Variants in PRELID2 observed in about 807,000 individuals in gnomAD.
PRELID2 encodes PRELI domain-containing protein 2.
PRELID2 carries 25 observed loss-of-function variants against 28.4 expected under a neutral mutation model. That is an observed-to-expected ratio of 0.88 (90% CI 0.64 to 1.23). PRELID2 has a LOEUF of 1.23. Ranked by LOEUF, PRELID2 falls within the 50% of genes most tolerant of loss-of-function variation. PRELID2 has a pLI of 0.00. For synonymous variants in PRELID2, 76 were observed against 71.6 expected, an observed-to-expected ratio of 1.06 and a Z score of -0.31; for missense variants, 201 against 214.4, an observed-to-expected ratio of 0.94 and a Z score of 0.39.
intron 1 of PRELID2, among the ~76,000 whole-genome samples, chr5:145,563,232 T>G (rs10477278): frequency 0.02 from 2,975 of 152,322 alleles, 88 homozygotes; most frequent in African/African-American, 0.068. Flanking sequence ...CAAGGATTTC[T>G]AATTCTTTGA....
intron 4 of PRELID2, among the ~76,000 whole-genome samples, chr5:145,805,783 G>C (rs1443415354): frequency 6.6e-6 from 1 of 152,208 alleles, no homozygotes; most frequent in Non-Finnish European, 1.5e-5. Context: ...ACATAGGCTA[G>C]ATGGTATAGC....
the PRELID2 span, among the ~76,000 whole-genome samples, chr5:145,252,702 G>A: frequency 3.9e-5 from 6 of 152,060 alleles, no homozygotes; most frequent in Admixed American, 6.6e-5. Context: ...AACCCAAGGA[G>A]GAGAGAGGAA....
chr5:145,397,950 A>G, the PRELID2 span, among the ~76,000 whole-genome samples: 1 of 152,154 alleles, frequency 6.6e-6, no homozygotes, highest in Non-Finnish European at 1.5e-5. Flanking sequence ...GCAAGAATGC[A>G]ATGGTGTGAG....
the PRELID2 span, among the ~76,000 whole-genome samples, chr5:145,395,549 T>C: frequency 6.6e-6 from 1 of 152,190 alleles, no homozygotes; most frequent in Non-Finnish European, 1.5e-5. Flanking sequence ...AGACTTTTAA[T>C]TTATTACAAA....
chr5:145,717,678 T>A (rs951420602), intron 1 of PRELID2, among the ~76,000 whole-genome samples: 1 of 150,810 alleles, frequency 6.6e-6, no homozygotes, highest in South Asian at 2.1e-4. Context: ...TAAATTAGAT[T>A]TAAAATAATT....
chr5:145,525,550 T>C (rs1438206241), intron 1 of PRELID2, among the ~76,000 whole-genome samples: 1 of 152,150 alleles, frequency 6.6e-6, no homozygotes. Context: ...TTCTTGGACT[T>C]GATTGCACAG....
At chr5:145,445,874 G>A in the PRELID2 span, among the ~76,000 whole-genome samples, 1 of 151,860 alleles carries the variant, frequency 6.6e-6, no homozygotes, top group South Asian at 2.1e-4. Context: ...AAATGCTGGT[G>A]GGGATATGGA....
At chr5:145,270,543 A>T in the PRELID2 span, among the ~76,000 whole-genome samples, 1 of 152,192 alleles carries the variant, frequency 6.6e-6, no homozygotes, top group African/African-American at 2.4e-5. Context: ...GTGCGGTTCT[A>T]GAATCAGAAT....
At chr5:145,771,197 TATC>T (rs1047051871) in intron 5 of PRELID2, among the ~76,000 whole-genome samples, 9 of 152,140 alleles carry the variant, frequency 5.9e-5, no homozygotes, top group Non-Finnish European at 5.9e-5. Context: ...CACAAATAGT[TATC>T]ATTGTGTTAC....
At chr5:145,607,649 G>C (rs1365825462) in intron 1 of PRELID2, among the ~76,000 whole-genome samples, 1 of 152,056 alleles carries the variant, frequency 6.6e-6, no homozygotes, top group Non-Finnish European at 1.5e-5. Context: ...GCTGAGGGTT[G>C]TTTTATGGCT....
In PRELID2 at chr5:145,796,496, G is replaced by C. The variant is rs1381742932; in HGVS notation, c.420C>G (p.Leu140=). Residue 140 remains leucine (L), a synonymous_variant, in exon 5 of 7, where the codon CTC becomes CTG. Coordinates refer to ENST00000683046, the MANE Select transcript of PRELID2 (RefSeq NM_205846.3). ...TGGCAAAAGTTTCTAAAACACAGTT[G>C]AGAAATCCAACCCCTGTGATTGAAA... The part of the protein sequence containing the change: ...GRISITGVGF[L]NCVLETFAST... 6.2e-7 allele frequency: 1 copy of C among 1,610,626 alleles called. No homozygotes were observed. Among genetic ancestry groups the C allele is most frequent in the South Asian group, 1.1e-5 (1 of 90,824 alleles).
intron 1 of PRELID2, among the ~76,000 whole-genome samples, chr5:145,747,273 C>T (rs1478584115): frequency 7.0e-6 from 1 of 142,180 alleles, no homozygotes; most frequent in Non-Finnish European, 1.5e-5. Context: ...AAAAAATTAA[C>T]AAAATAGCAG....
At chr5:145,457,111 G>A in the PRELID2 span, among the ~76,000 whole-genome samples, 2 of 152,078 alleles carry the variant, frequency 1.3e-5, no homozygotes, top group African/African-American at 2.4e-5. Context: ...GTAGTGGGGT[G>A]CTGAGGGAAG....
At chr5:145,262,334 A>G in the PRELID2 span, among the ~76,000 whole-genome samples, 1 of 152,168 alleles carries the variant, frequency 6.6e-6, no homozygotes, top group African/African-American at 2.4e-5. Context: ...AAGCTCAAAG[A>G]ACAGCTGGGA....
At chr5:145,502,001 C>T (rs1262925479) in intron 1 of PRELID2, among the ~76,000 whole-genome samples, 1 of 152,142 alleles carries the variant, frequency 6.6e-6, no homozygotes, top group Non-Finnish European at 1.5e-5. Context: ...CCCCTAGAAA[C>T]TGTCTAGCAG....
chr5:145,600,105 A>G (rs1753367490), intron 1 of PRELID2, among the ~76,000 whole-genome samples: 1 of 146,744 alleles, frequency 6.8e-6, no homozygotes, highest in African/African-American at 2.8e-5. Flanking sequence ...AAATAGCCAG[A>G]AGAAAAAGAA....
rs139823608 is a variant in PRELID2 at position 145,623,944 on chromosome 5, G to T, written n.70+140987C>A. On this transcript the variant is annotated intron_variant and non_coding_transcript_variant, in intron 1 of 2. Transcript: ENST00000510259. ...ACTGCCTTCATTTCAGATGCCAGTT[G>T]CAAGTACCAAGTTGTCGCCAGTACG... 5.1e-4 allele frequency among the ~76,000 whole-genome samples: 77 copies of T among 152,256 alleles called. 1 individual carries two copies. The East Asian group carries it at 0.013, about 25-fold the overall frequency.
At chr5:145,694,853 C>G (rs1755225396) in intron 1 of PRELID2, among the ~76,000 whole-genome samples, 1 of 148,410 alleles carries the variant, frequency 6.7e-6, no homozygotes, top group African/African-American at 2.5e-5. Flanking sequence ...CAAAGGGGAA[C>G]AGAGAAGAGC....
intron 1 of PRELID2, among the ~76,000 whole-genome samples, chr5:145,628,469 A>C (rs568387981): frequency 6.6e-6 from 1 of 152,162 alleles, no homozygotes; most frequent in Non-Finnish European, 1.5e-5. Flanking sequence ...GACTACAGGT[A>C]TATGCCACCA....
Sources: gnomAD v4.1 joint callset for allele counts (sites outside exome capture counted in the v4.1 genomes callset) on GRCh38, gnomAD v4.1.1 for gene constraint, MANE v1.5 for transcripts, NCBI Gene and HGNC (gene_info 2026-07-23, HGNC 2026-07-21) for gene names.